Variants in MAD1L1 observed in about 807,000 individuals in gnomAD.
MAD1L1 encodes the protein mitotic spindle assembly checkpoint protein MAD1.
A neutral mutation model predicts 96.9 loss-of-function variants in MAD1L1; 95 were observed. The ratio of observed to expected loss-of-function variants is 0.98; its 90% confidence interval spans 0.83 to 1.16. The LOEUF is 1.16. MAD1L1 is among the 50% of genes most tolerant of loss of function. The pLI, the probability that MAD1L1 is intolerant of heterozygous loss-of-function variation, is 0.00. For synonymous variants in MAD1L1, 473 were observed against 396.6 expected (o/e 1.19, Z -2.29); for missense variants, 1,007 against 954.4 (o/e 1.06, Z -0.73).
intron 18 of MAD1L1, among the ~76,000 whole-genome samples, chr7:1,821,844 C>T (rs531081173): frequency 3.9e-5 from 6 of 152,316 alleles, no homozygotes; most frequent in Admixed American, 2.0e-4. Flanking sequence ...AGAGTCTGGC[C>T]GCCTTCCCTC....
At chr7:1,953,768 A>G (rs1401644136) in intron 16 of MAD1L1, among the ~76,000 whole-genome samples, 1 of 152,250 alleles carries the variant, frequency 6.6e-6, no homozygotes, top group Non-Finnish European at 1.5e-5. Flanking sequence ...AATGTTCATC[A>G]TCAAATGCTG....
intron 16 of MAD1L1, among the ~76,000 whole-genome samples, chr7:1,951,376 C>G (rs893072214): frequency 6.6e-6 from 1 of 152,202 alleles, no homozygotes; most frequent in African/African-American, 2.4e-5. Context: ...CTGCCCCTCC[C>G]GTCCGGGGTG....
chr7:2,147,041 A>G (rs1237580860), intron 11 of MAD1L1, among the ~76,000 whole-genome samples: 2 of 152,184 alleles, frequency 1.3e-5, no homozygotes. Flanking sequence ...CAGCGTCACC[A>G]GGCCCCAGAA....
At chr7:1,902,050 GAGTC>G (rs1787279024) in intron 17 of MAD1L1, among the ~76,000 whole-genome samples, 1 of 152,174 alleles carries the variant, frequency 6.6e-6, no homozygotes, top group South Asian at 2.1e-4. Flanking sequence ...GTTCAAGTGG[GAGTC>G]AGAGAGGATG....
intron 18 of MAD1L1, among the ~76,000 whole-genome samples, chr7:1,887,411 A>ATT (rs1554283756): frequency 6.8e-6 from 1 of 146,634 alleles, no homozygotes; most frequent in African/African-American, 2.5e-5. Flanking sequence ...CTGCCTGTGC[A>ATT]TGTGTGTGTG....
rs191271396 is a variant in MAD1L1, at chr7:1,919,493, G to A, written c.1807+17194C>T. ...TACCACACAAAGGGAGGACCGCACT[G>A]GGGAATGGGCTCATTGGGAGCCACT... On this transcript the variant is annotated intron_variant, in intron 17 of 18. Coordinates refer to ENST00000265854, the MANE Select transcript of MAD1L1 (RefSeq NM_001013836.2). 4.2e-3 allele frequency among the ~76,000 whole-genome samples: 643 copies of A among 152,366 alleles called. 1 individual carries two copies. Among genetic ancestry groups the A allele is most frequent in the Non-Finnish European group, 5.2e-3 (351 of 68,034 alleles).
chr7:1,988,352 G>T (rs1781256039), intron 14 of MAD1L1, among the ~76,000 whole-genome samples: 1 of 152,178 alleles, frequency 6.6e-6, no homozygotes. Flanking sequence ...GCACACAGCA[G>T]CCCAGCCATC....
At chr7:1,838,188 G>A (rs1449229275) in intron 18 of MAD1L1, among the ~76,000 whole-genome samples, 2 of 152,200 alleles carry the variant, frequency 1.3e-5, no homozygotes, top group Non-Finnish European at 2.9e-5. Context: ...AGCGGCACCC[G>A]CAGCCCCTGG....
intron 3 of MAD1L1, among the ~76,000 whole-genome samples, chr7:2,228,454 T>C (rs1794022109): frequency 6.6e-6 from 1 of 152,004 alleles, no homozygotes; most frequent in South Asian, 2.1e-4. Flanking sequence ...GGTCTTACCA[T>C]GTTGGTCAGG....
chr7:2,129,396 C>T (rs917286376), intron 11 of MAD1L1, among the ~76,000 whole-genome samples: 2 of 152,346 alleles, frequency 1.3e-5, no homozygotes, highest in African/African-American at 4.8e-5. Flanking sequence ...CAGGCACGAG[C>T]AGGCCAAGCC....
intron 7 of MAD1L1, 38 bp downstream of exon 7, chr7:2,217,924 C>G (rs1468490296): frequency 1.3e-6 from 2 of 1,560,522 alleles, no homozygotes; most frequent in Admixed American, 3.3e-5. Flanking sequence ...AAGGCCACCA[C>G]AGGGATGTCC....
At position 1,818,722 on chromosome 7, in the gene MAD1L1, C is replaced by T. The variant is rs537884250; in HGVS notation, c.1999-2494G>A. Among the ~76,000 whole-genome samples the T allele has an allele frequency of 2.6e-5, 4 of 152,162 alleles. 1 individual carries two copies. Among genetic ancestry groups the T allele is most frequent in the South Asian group, 2.1e-4 (1 of 4,806 alleles). On this transcript the variant is annotated intron_variant, in intron 18 of 18. Transcript: ENST00000265854. ...TCATTCTTTATTTGAAACAGGTGCA[C>T]CCCGCCAGCGTCAGCAAGACAGCTG...
At chr7:2,121,472 G>C (rs948978330) in intron 11 of MAD1L1, among the ~76,000 whole-genome samples, 4 of 152,224 alleles carry the variant, frequency 2.6e-5, no homozygotes, top group African/African-American at 4.8e-5. Context: ...ACAGAGTCCC[G>C]GTGGCCAGAG....
chr7:2,161,136 A>G (rs1298237325), intron 10 of MAD1L1, among the ~76,000 whole-genome samples: 46 of 1,874 alleles, frequency 0.025, no homozygotes, highest in African/African-American at 0.075. Flanking sequence ...TCCCCTTTGC[A>G]CGGTCTCCCT....
At chr7:1,948,155 G>A (rs531755291) in intron 16 of MAD1L1, among the ~76,000 whole-genome samples, 83 of 152,246 alleles carry the variant, frequency 5.5e-4, no homozygotes, top group Non-Finnish European at 1.0e-3. Flanking sequence ...GGAGTGGCCC[G>A]GGGTCACAGG....
At chr7:2,036,420 A>ACCAGAGCT (rs1182328014) in intron 12 of MAD1L1, among the ~76,000 whole-genome samples, 1 of 152,224 alleles carries the variant, frequency 6.6e-6, no homozygotes, top group Admixed American at 6.5e-5. Flanking sequence ...CGTGCGGGGA[A>ACCAGAGCT]CCAGAGCTCC....
chr7:2,198,210 G>A (rs939297604), intron 10 of MAD1L1, among the ~76,000 whole-genome samples: 4 of 152,078 alleles, frequency 2.6e-5, no homozygotes, highest in Admixed American at 6.5e-5. Context: ...CCCACTTCAG[G>A]CTCCCAAAGT....
chr7:1,824,479 C>T (rs997406022), intron 18 of MAD1L1, among the ~76,000 whole-genome samples: 1 of 152,204 alleles, frequency 6.6e-6, no homozygotes, highest in Non-Finnish European at 1.5e-5. Context: ...CACGTTACCC[C>T]GGGCCATGAG....
chr7:1,924,204 T>A (rs1412164949), intron 17 of MAD1L1, among the ~76,000 whole-genome samples: 1 of 152,210 alleles, frequency 6.6e-6, no homozygotes, highest in Non-Finnish European at 1.5e-5. Flanking sequence ...CACAGTATCT[T>A]AGAGATGATG....
Sources: allele counts gnomAD v4.1 joint callset (sites outside exome capture counted in the v4.1 genomes callset), GRCh38; gene constraint gnomAD v4.1.1; transcripts MANE v1.5; gene names NCBI Gene and HGNC (gene_info 2026-07-23, HGNC 2026-07-21).